Variants in SV2C observed in about 807,000 individuals in gnomAD.
The protein encoded by SV2C is synaptic vesicle glycoprotein 2C, also known as solute carrier family 22 member B3.
A neutral mutation model predicts 79.7 loss-of-function variants in SV2C; 49 were observed. The ratio of observed to expected loss-of-function variants is 0.61; its 90% CI spans 0.49 to 0.78. The LOEUF is 0.78. Among genes scored for constraint, SV2C ranks in the 30% least tolerant of loss-of-function variants. SV2C has a pLI of 0.00. For synonymous variants in SV2C, 334 were observed against 333.2 expected (o/e 1.00, Z -0.03); for missense variants, 833 against 912.9 (o/e 0.91, Z 1.13).
intron 2 of SV2C, among the ~76,000 whole-genome samples, chr5:76,147,518 A>G (rs1357183073): frequency 4.6e-5 from 7 of 152,304 alleles, no homozygotes; most frequent in East Asian, 1.9e-4. Context: ...GCACTTCAGC[A>G]TGGAGTTTGC....
chr5:75,953,544 A>G, the SV2C span, among the ~76,000 whole-genome samples: 219 of 152,140 alleles, frequency 1.4e-3, 1 homozygote, highest in Admixed American at 4.5e-3. Context: ...ATGTGCTTAA[A>G]TCAACTTCAA....
chr5:75,915,546 T>C, the SV2C span, among the ~76,000 whole-genome samples: 1 of 152,230 alleles, frequency 6.6e-6, no homozygotes, highest in Non-Finnish European at 1.5e-5. Flanking sequence ...TAGTTAGATA[T>C]GAGCAACACA....
At chr5:75,865,122 C>T in the SV2C span, among the ~76,000 whole-genome samples, 19 of 152,118 alleles carry the variant, frequency 1.2e-4, no homozygotes, top group African/African-American at 4.6e-4. Context: ...TTACTGGGCT[C>T]TTGTAGAAAA....
Position 76,209,860 on chromosome 5 carries a change from A to G in SV2C, c.886A>G (p.Met296Val), listed in dbSNP as rs370314313. The G allele has an allele frequency of 6.2e-7, 1 of 1,614,032 alleles. No homozygotes were observed. ...WMIGGIYASA[M>V]AWAIIPHYGW... ...GATCGGTGGCATCTACGCCTCTGCC[A>G]TGGCCTGGGCCATCATCCCGCACTA... Residue 296 changes from methionine to valine, a missense_variant, in exon 4 of 13, where the codon ATG becomes GTG. Transcript: ENST00000502798.
the SV2C span, among the ~76,000 whole-genome samples, chr5:75,983,245 C>T: frequency 6.6e-6 from 1 of 152,080 alleles, no homozygotes; most frequent in African/African-American, 2.4e-5. Flanking sequence ...AAAAGAGGAT[C>T]TGGTGTGACT....
the SV2C span, among the ~76,000 whole-genome samples, chr5:75,951,854 A>G: frequency 1.3e-5 from 2 of 151,980 alleles, no homozygotes; most frequent in African/African-American, 2.4e-5. Flanking sequence ...CTATTTGTGG[A>G]CTCAAAGAAA....
At chr5:75,856,201 G>A in the SV2C span, among the ~76,000 whole-genome samples, 1 of 152,142 alleles carries the variant, frequency 6.6e-6, no homozygotes, top group Non-Finnish European at 1.5e-5. Context: ...TCTGTTGATG[G>A]AACTTGGGTT....
At chr5:76,073,945 A>G in the SV2C span, among the ~76,000 whole-genome samples, 1 of 152,178 alleles carries the variant, frequency 6.6e-6, no homozygotes, top group Non-Finnish European at 1.5e-5. Context: ...AAACTTGATG[A>G]GTCTGTGGGG....
At chr5:75,851,729 C>T in the SV2C span, among the ~76,000 whole-genome samples, 5 of 152,234 alleles carry the variant, frequency 3.3e-5, no homozygotes, top group Admixed American at 6.5e-5. Flanking sequence ...CAAGCTCCCC[C>T]TCCCGGGTTC....
intron 1 of SV2C, among the ~76,000 whole-genome samples, chr5:76,117,235 T>C (rs1386960573): frequency 6.6e-6 from 1 of 152,212 alleles, no homozygotes; most frequent in East Asian, 1.9e-4. Flanking sequence ...GAAAACTATA[T>C]GCAAATATAA....
chr5:75,981,143 G>A, the SV2C span, among the ~76,000 whole-genome samples: 672 of 152,122 alleles, frequency 4.4e-3, 3 homozygotes, highest in Non-Finnish European at 7.1e-3. Flanking sequence ...AAATACCTAG[G>A]AATACAGGTA....
At chr5:75,928,730 A>G in the SV2C span, among the ~76,000 whole-genome samples, 1 of 152,092 alleles carries the variant, frequency 6.6e-6, no homozygotes, top group East Asian at 1.9e-4. Flanking sequence ...TCTCTGTGTC[A>G]TCCCTCTGTG....
intron 2 of SV2C, among the ~76,000 whole-genome samples, chr5:76,165,579 A>T (rs186385939): frequency 1.3e-5 from 2 of 152,310 alleles, no homozygotes; most frequent in African/African-American, 4.8e-5. Flanking sequence ...AGAATGTTAT[A>T]GACATGGAAT....
chr5:76,334,916 G>A (rs1749281409), downstream of SV2C, among the ~76,000 whole-genome samples: 1 of 152,214 alleles, frequency 6.6e-6, no homozygotes, highest in South Asian at 2.1e-4. Flanking sequence ...GGGTTTGTAA[G>A]CAAGGAAAAA....
chr5:76,182,964 AGAG>A (rs1743793120), intron 2 of SV2C, among the ~76,000 whole-genome samples: 4 of 100,846 alleles, frequency 4.0e-5, no homozygotes, highest in Middle Eastern at 5.1e-3. Flanking sequence ...AGAGACAGAG[AGAG>A]AGAGAGAGAG....
the SV2C span, among the ~76,000 whole-genome samples, chr5:75,862,993 C>A: frequency 2.0e-5 from 3 of 152,188 alleles, no homozygotes; most frequent in Non-Finnish European, 4.4e-5. Flanking sequence ...TCATCTGTTA[C>A]CTGGTGTGGA....
intron 4 of SV2C, among the ~76,000 whole-genome samples, chr5:76,266,874 C>A (rs1199560118): frequency 6.6e-6 from 1 of 152,038 alleles, no homozygotes; most frequent in Non-Finnish European, 1.5e-5. Flanking sequence ...AAGTAACTTG[C>A]CCAAGACACA....
chr5:76,249,875 A>G (rs1202019861), intron 4 of SV2C, among the ~76,000 whole-genome samples: 1 of 152,092 alleles, frequency 6.6e-6, no homozygotes, highest in African/African-American at 2.4e-5. Flanking sequence ...AGAGTCTCTG[A>G]CTCAGTCAAC....
the SV2C span, among the ~76,000 whole-genome samples, chr5:75,964,697 C>T: frequency 6.6e-6 from 1 of 152,202 alleles, no homozygotes; most frequent in Non-Finnish European, 1.5e-5. Flanking sequence ...TCTTCCTCCA[C>T]TTTCTGTCTT....
Sources: allele counts gnomAD v4.1 joint callset (sites outside exome capture counted in the v4.1 genomes callset), GRCh38; gene constraint gnomAD v4.1.1; transcripts MANE v1.5; gene names NCBI Gene and HGNC (gene_info 2026-07-23, HGNC 2026-07-21).